Variants in KLF8 observed in about 807,000 individuals in gnomAD.
KLF8 encodes the protein KLF transcription factor 8.
Under a neutral mutation model 18.2 loss-of-function variants are expected in KLF8, and 10 were observed. The observed-to-expected ratio is 0.55, with a 90% CI of 0.34 to 0.93. The LOEUF is 0.93. Ranked by LOEUF, KLF8 falls within the 40% of genes least tolerant of loss-of-function variation. The pLI is 0.02. For synonymous variants in KLF8, 109 were observed against 97.3 expected (o/e 1.12, Z -0.71); for missense variants, 264 against 277.9 (o/e 0.95, Z 0.36).
chrX:56,088,080 G>C, the KLF8 span, among the ~76,000 whole-genome samples: 4 of 111,244 alleles, frequency 3.6e-5, no homozygotes, highest in Non-Finnish European at 3.8e-5. Context: ...GTGATGATTT[G>C]GGAAAATCGT....
At chrX:56,064,297 C>CA in the KLF8 span, among the ~76,000 whole-genome samples, 1 of 107,993 alleles carries the variant, frequency 9.3e-6, no homozygotes, top group African/African-American at 3.4e-5. Context: ...GTCTTTTTGC[C>CA]TTTTTTTTCT....
the KLF8 span, among the ~76,000 whole-genome samples, chrX:56,114,904 A>C: frequency 1.3e-4 from 15 of 112,080 alleles, no homozygotes; most frequent in Non-Finnish European, 2.3e-4. Flanking sequence ...TTTACTTTTT[A>C]CTCACTACGC....
the KLF8 span, among the ~76,000 whole-genome samples, chrX:56,028,099 C>T: frequency 1.8e-5 from 2 of 112,167 alleles, no homozygotes; most frequent in Non-Finnish European, 3.8e-5. Context: ...CAGGGCCCCA[C>T]AGTTTGAGTT....
At chrX:56,033,552 C>T in the KLF8 span, among the ~76,000 whole-genome samples, 1 of 111,866 alleles carries the variant, frequency 8.9e-6, no homozygotes, top group African/African-American at 3.2e-5. Context: ...ATTTCTGGAT[C>T]ATATGGTAGT....
chrX:56,134,481 C>A, the KLF8 span, among the ~76,000 whole-genome samples: 1 of 111,452 alleles, frequency 9.0e-6, no homozygotes, highest in African/African-American at 3.3e-5. Context: ...ACTATATCCT[C>A]ATCTCTCACC....
At chrX:56,261,992 A>T (rs1019766193) in intron 2 of KLF8, among the ~76,000 whole-genome samples, 1 of 111,962 alleles carries the variant, frequency 8.9e-6, no homozygotes, top group Non-Finnish European at 1.9e-5. Context: ...AGATAGATTC[A>T]CTTAGACATA....
the KLF8 span, among the ~76,000 whole-genome samples, chrX:56,108,134 G>A: frequency 1.8e-5 from 2 of 111,513 alleles, no homozygotes; most frequent in Non-Finnish European, 3.8e-5. Context: ...CTATATACAG[G>A]ATTATATCAT....
chrX:56,059,937 T>C, the KLF8 span, among the ~76,000 whole-genome samples: 1 of 112,119 alleles, frequency 8.9e-6, no homozygotes, highest in Non-Finnish European at 1.9e-5. Context: ...TATAAATTAC[T>C]TTAGGCAATA....
At chrX:56,163,287 C>G in the KLF8 span, among the ~76,000 whole-genome samples, 1 of 111,821 alleles carries the variant, frequency 8.9e-6, no homozygotes, top group Non-Finnish European at 1.9e-5. Flanking sequence ...GATAGTCATT[C>G]TGACTGGTGT....
chrX:56,265,426 C>A lies in KLF8; in HGVS notation c.328C>A (p.Pro110Thr), dbSNP rs753632321. 1.8e-5 allele frequency: 22 copies of A among 1,209,240 alleles called. No individual in the cohort carries two copies. The Admixed American group carries it at 3.3e-4, about 18-fold the overall frequency. Residue 110 changes from proline to threonine, a missense_variant, in exon 3 of 6, where the codon CCC becomes ACC. Pro to Thr is a conservative substitution (Grantham distance 38). Transcript: ENST00000468660. ...TAGCATGCTACAAGCTCCAATACGT[C>A]CCCCCAAGCCACAGTCTTCTCCCCA... ...PASMLQAPIR[P>T]PKPQSSPQTL...
chrX:56,105,946 G>A, the KLF8 span, among the ~76,000 whole-genome samples: 3 of 111,456 alleles, frequency 2.7e-5, no homozygotes, highest in Non-Finnish European at 5.7e-5. Context: ...TTGCTTGTCT[G>A]TAAAGGATTT....
the KLF8 span, among the ~76,000 whole-genome samples, chrX:56,208,816 G>A: frequency 1.8e-5 from 2 of 111,716 alleles, no homozygotes; most frequent in South Asian, 3.7e-4. Flanking sequence ...ATTGTGTTCA[G>A]AGAAAATACT....
chrX:56,047,853 T>A, the KLF8 span, among the ~76,000 whole-genome samples: 63 of 111,661 alleles, frequency 5.6e-4, no homozygotes, highest in African/African-American at 1.8e-3. Context: ...TGACTTCCAC[T>A]ATGGTTGAAC....
the KLF8 span, among the ~76,000 whole-genome samples, chrX:56,204,546 T>C: frequency 1.8e-5 from 2 of 111,634 alleles, no homozygotes; most frequent in Non-Finnish European, 1.9e-5. Context: ...AGTATGGTAC[T>C]AGCCATGGGT....
chrX:55,942,248 T>C, the KLF8 span, among the ~76,000 whole-genome samples: 29 of 110,754 alleles, frequency 2.6e-4, no homozygotes, highest in Non-Finnish European at 9.4e-5. Flanking sequence ...ACCATCATTC[T>C]CAGCAAACTA....
At chrX:55,990,441 C>T in the KLF8 span, among the ~76,000 whole-genome samples, 1 of 112,141 alleles carries the variant, frequency 8.9e-6, no homozygotes, top group African/African-American at 3.2e-5. Context: ...TTTATTTCTG[C>T]CTTCATTTCA....
the KLF8 span, among the ~76,000 whole-genome samples, chrX:56,085,148 C>T: frequency 8.9e-6 from 1 of 111,909 alleles, no homozygotes; most frequent in African/African-American, 3.2e-5. Flanking sequence ...CTTATCTGGC[C>T]TACATCCTGC....
At chrX:56,196,868 T>TA in the KLF8 span, among the ~76,000 whole-genome samples, 3 of 110,352 alleles carry the variant, frequency 2.7e-5, no homozygotes, top group Admixed American at 9.7e-5. Context: ...TCAGCAAAGG[T>TA]AAAAAAAAGA....
chrX:56,053,133 C>T, the KLF8 span, among the ~76,000 whole-genome samples: 10 of 111,831 alleles, frequency 8.9e-5, no homozygotes, highest in East Asian at 2.8e-4. Flanking sequence ...GGCTTGCGCA[C>T]GGTGCCCGCA....
Sources: gnomAD v4.1 joint callset for allele counts (sites outside exome capture counted in the v4.1 genomes callset) on GRCh38, gnomAD v4.1.1 for gene constraint, MANE v1.5 for transcripts, NCBI Gene and HGNC (gene_info 2026-07-23, HGNC 2026-07-21) for gene names.